The following IPPK variants were observed in gnomAD, a reference collection of about 807,000 sequenced individuals.
IPPK encodes inositol-pentakisphosphate 2-kinase.
A neutral mutation model predicts 64.6 loss-of-function variants in IPPK; 22 were observed. The ratio of observed to expected loss-of-function variants is 0.34; its 90% CI spans 0.24 to 0.49. The LOEUF (loss-of-function observed/expected upper bound fraction) is 0.49. Ranked by LOEUF, IPPK falls within the 20% of genes least tolerant of loss-of-function variation. IPPK has a pLI of 0.99. For missense variants in IPPK, 532 were observed against 630.7 expected (o/e 0.84, Z 1.68); for synonymous variants, 262 against 247.2 (o/e 1.06, Z -0.56).
At chr9:92,620,643 G>C (rs746742693) in intron 11 of IPPK, 1 of 152,156 alleles carries the variant, frequency 6.6e-6, no homozygotes, top group East Asian at 1.9e-4. Flanking sequence ...AGGATCTGGC[G>C]TTCGAAAACA....
intron 1 of IPPK, among the ~76,000 whole-genome samples, chr9:92,659,952 G>C (rs1852448590): frequency 1.3e-5 from 2 of 151,998 alleles, no homozygotes; most frequent in African/African-American, 4.8e-5. Flanking sequence ...GGGAAGCCAA[G>C]ATCAATGGCA....
At chr9:92,661,652 A>G (rs1441277100) in intron 1 of IPPK, among the ~76,000 whole-genome samples, 1 of 152,234 alleles carries the variant, frequency 6.6e-6, no homozygotes, top group Non-Finnish European at 1.5e-5. Context: ...GGAAACCTGA[A>G]TACAGTGATT....
At chr9:92,636,052 G>A (rs1427532234) in intron 9 of IPPK, among the ~76,000 whole-genome samples, 1 of 152,178 alleles carries the variant, frequency 6.6e-6, no homozygotes, top group Non-Finnish European at 1.5e-5. Flanking sequence ...ACTCACAGTT[G>A]TTTGGCACCT....
At chr9:92,636,003 T>C (rs1235723915) in intron 9 of IPPK, among the ~76,000 whole-genome samples, 1 of 152,156 alleles carries the variant, frequency 6.6e-6, no homozygotes, top group Non-Finnish European at 1.5e-5. Context: ...GGACCTGTTA[T>C]ATCATAGGGA....
chr9:92,657,680 G>A (rs114145387), intron 2 of IPPK, among the ~76,000 whole-genome samples: 1,529 of 152,278 alleles, frequency 0.01, 30 homozygotes, highest in African/African-American at 0.035. Context: ...AGCAGCTGAG[G>A]CAGAAACCGC....
chr9:92,669,815 A>C, intron 1 of IPPK, 93 bp downstream of exon 1: 2 of 930,568 alleles, frequency 2.1e-6, no homozygotes, highest in Non-Finnish European at 1.7e-6. Context: ...GGGGACGTGG[A>C]ACCGACCCTG....
At chr9:92,668,145 G>A (rs1035660349) in intron 1 of IPPK, among the ~76,000 whole-genome samples, 1 of 151,900 alleles carries the variant, frequency 6.6e-6, no homozygotes, top group Non-Finnish European at 1.5e-5. Context: ...GCGCATGCCT[G>A]TGATCCCAGC....
intron 4 of IPPK, among the ~76,000 whole-genome samples, chr9:92,651,501 C>G (rs899617806): frequency 1.3e-5 from 2 of 152,210 alleles, no homozygotes; most frequent in Admixed American, 1.3e-4. Context: ...CCCTGTTCCT[C>G]AGAAGGACAC....
intron 4 of IPPK, among the ~76,000 whole-genome samples, chr9:92,651,776 C>T (rs560712938): frequency 7.9e-5 from 12 of 152,330 alleles, no homozygotes; most frequent in South Asian, 2.1e-4. Context: ...AGTACAGTGG[C>T]GTGATCTCAG....
At chr9:92,644,415 C>T (rs10992389) in intron 6 of IPPK, among the ~76,000 whole-genome samples, 8,136 of 152,146 alleles carry the variant, frequency 0.053, 844 homozygotes, top group East Asian at 0.42. Context: ...CCACAGAGGA[C>T]GCAGATGAGG....
chr9:92,661,860 G>A (rs1379141767), intron 1 of IPPK, among the ~76,000 whole-genome samples: 1 of 152,238 alleles, frequency 6.6e-6, no homozygotes, highest in African/African-American at 2.4e-5. Context: ...TGGGCTGGCC[G>A]AGGTGGGTGG....
Position 92,657,911 on chromosome 9 carries a change from G to A in IPPK, c.129+723C>T, listed in dbSNP as rs767272241. 5.2e-4 allele frequency among the ~76,000 whole-genome samples: 79 copies of A among 152,042 alleles called. No individual in the cohort carries two copies. The Middle Eastern group carries it at 0.01, about 20-fold the overall frequency. ...GTCCCAGGAGCCCTCAAGGGGCAGT[G>A]ACTCACCAACCCCATACCATTGCCC... is the stretch of plus-strand genomic sequence containing the variant. On this transcript the variant is annotated intron_variant, in intron 2 of 12. Transcript: ENST00000287996.
chr9:92,637,604 C>T (rs1405397465), intron 9 of IPPK, among the ~76,000 whole-genome samples: 2 of 152,196 alleles, frequency 1.3e-5, no homozygotes, highest in Non-Finnish European at 2.9e-5. Context: ...TAGGACCCAG[C>T]CCTGCAGGAT....
chr9:92,619,262 A>G, intron 12 of IPPK: 1 of 530,792 alleles, frequency 1.9e-6, no homozygotes, highest in Non-Finnish European at 3.4e-6. Flanking sequence ...ATGTACTAAC[A>G]ATCCTTTTAA....
chr9:92,645,735 T>C (rs938893816), intron 6 of IPPK, among the ~76,000 whole-genome samples: 2 of 152,060 alleles, frequency 1.3e-5, no homozygotes, highest in African/African-American at 4.8e-5. Context: ...AAAGAAAGAT[T>C]GCCATCCAAG....
chr9:92,637,994 G>A lies in IPPK; in HGVS notation c.916+7C>T. The A allele has an allele frequency of 6.4e-7, 1 of 1,551,584 alleles. No homozygotes were observed. The highest frequency in any genetic ancestry group is 8.7e-7 in the Non-Finnish European group (1 of 1,147,716). ...CCACCGCCTACCTGGGGAAGGCTGG[G>A]CCCTACCTTGGCAGCGAAGGCTCCT... On this transcript the variant is annotated splice_region_variant and intron_variant, in intron 9 of 12. Transcript: ENST00000287996.
chr9:92,638,370 G>C, intron 8 of IPPK, 90 bp from the exon 9 acceptor site: 1 of 1,465,170 alleles, frequency 6.8e-7, no homozygotes, highest in Non-Finnish European at 9.3e-7. Context: ...CCCAGGCAGC[G>C]GGTGAAAGCC....
Position 92,638,152 on chromosome 9 carries a change from C to G in IPPK, c.765G>C (p.Arg255Ser). ...NGLASGPHCTRAVIRELVHVI... is the reference protein window; with the variant it reads ...NGLASGPHCTSAVIRELVHVI... Reference sequence around the variant, plus strand: ...CGTGCACCAGCTCCCTGATCACAGCCCTTGTGCAGTGGGGCCCACTGGCCA... The same window carrying G: ...CGTGCACCAGCTCCCTGATCACAGCGCTTGTGCAGTGGGGCCCACTGGCCA... The change falls in exon 9 of 13, where the codon AGG (arginine) becomes AGC (serine). Residue 255 changes from arginine (R) to serine (S), a missense_variant. By Grantham distance (110) the Arg-to-Ser change is moderately radical (BLOSUM62 -1). Transcript: ENST00000287996. 1 of 1,614,246 alleles carries G rather than the reference C, an allele frequency of 6.2e-7. No homozygotes were observed. The highest frequency in any genetic ancestry group is 8.5e-7 in the Non-Finnish European group (1 of 1,180,052).
intron 1 of IPPK, among the ~76,000 whole-genome samples, chr9:92,661,365 C>T (rs1038823711): frequency 6.6e-6 from 1 of 152,234 alleles, no homozygotes; most frequent in East Asian, 1.9e-4. Flanking sequence ...TTCTCAGCGT[C>T]TTTCTGGTGG....
Sources: allele counts gnomAD v4.1 joint callset (sites outside exome capture counted in the v4.1 genomes callset), GRCh38; gene constraint gnomAD v4.1.1; transcripts MANE v1.5; gene names NCBI Gene and HGNC (gene_info 2026-07-23, HGNC 2026-07-21).